TRANK1: variants seen among roughly 807,000 people sequenced by gnomAD.
The protein encoded by TRANK1 is TPR and ankyrin repeat-containing protein 1.
Under a neutral mutation model 266.0 loss-of-function variants are expected in TRANK1, and 198 were observed. That is an observed-to-expected ratio of 0.74 (90% CI 0.66 to 0.84). The LOEUF is 0.84. Among genes scored for constraint, TRANK1 ranks in the 40% least tolerant of loss-of-function variants. The pLI is 0.00. For missense variants in TRANK1, 3,326 were observed against 3,634.6 expected (o/e 0.92, Z 2.18); for synonymous variants, 1,396 against 1,384.1 (o/e 1.01, Z -0.19).
intron 15 of TRANK1, 113 bp from the exon 16 acceptor site, chr3:36,847,459 C>T (rs2078931246): frequency 5.3e-6 from 6 of 1,121,918 alleles, no homozygotes; most frequent in Non-Finnish European, 7.6e-6. Flanking sequence ...GCCTTCAACC[C>T]CAACTTTGAG....
intron 5 of TRANK1, 78 bp from the exon 6 acceptor site, chr3:36,893,062 C>T (rs2079732189): frequency 7.5e-6 from 4 of 533,542 alleles, no homozygotes; most frequent in East Asian, 1.1e-4. Context: ...TTATTTTAAG[C>T]TTTAAAACAA....
chr3:36,918,133 A>G (rs2080152056), intron 1 of TRANK1, among the ~76,000 whole-genome samples: 1 of 152,174 alleles, frequency 6.6e-6, no homozygotes, highest in East Asian at 1.9e-4. Flanking sequence ...GCATCATGCT[A>G]AGTGAAATAA....
At position 36,929,886 on chromosome 3, in the gene TRANK1, G is replaced by A. The variant is rs370639474; in HGVS notation, c.23+14901C>T. Among the ~76,000 whole-genome samples, 65 of 133,140 alleles carry A rather than the reference G, an allele frequency of 4.9e-4. 1 individual carries two copies. Among genetic ancestry groups the A allele is most frequent in the African/African-American group, 1.9e-3 (59 of 31,830 alleles). The allele number at this position is 133,140 out of a possible 152,430, so 87.3% of individuals were successfully genotyped here. A position where few individuals can be genotyped will look rare whatever the true frequency, so the allele number is the denominator to read the frequency against. ...GAGGGCAAGGGAGATGCAGCAGATTGTTGTTGTTGTTGTTGTTGTTGTTGT... is the reference window on the plus strand; with the variant it reads ...GAGGGCAAGGGAGATGCAGCAGATTATTGTTGTTGTTGTTGTTGTTGTTGT... On this transcript the variant is annotated intron_variant, in intron 1 of 23. Coordinates refer to ENST00000645898, the MANE Select transcript of TRANK1 (RefSeq NM_001329998.2).
rs373408645 is a variant in TRANK1, at chr3:36,834,859, C to T, written c.5566G>A (p.Ala1856Thr). 41 of 1,613,444 alleles carry T rather than the reference C, an allele frequency of 2.5e-5. No homozygotes were observed. The highest frequency in any genetic ancestry group is 3.3e-5 in the Admixed American group (2 of 59,952). The change falls in exon 21 of 24, where the codon GCT (alanine) becomes ACT (threonine). Residue 1856 changes from alanine to threonine, a missense_variant. By Grantham distance (58) the Ala-to-Thr change is moderately conservative (BLOSUM62 0). Coordinates refer to ENST00000645898, the MANE Select transcript of TRANK1 (RefSeq NM_001329998.2). Reference protein sequence around the residue: ...FYKRSQCYKDAFRCFEQIQEF... With the variant: ...FYKRSQCYKDTFRCFEQIQEF... ...TGAATCTGCTCAAAGCATCTGAAAG[C>T]GTCTTTGTAGCACTGGCTTCGCTTA...
intron 5 of TRANK1, among the ~76,000 whole-genome samples, chr3:36,893,470 A>T (rs1381008868): frequency 6.6e-6 from 1 of 152,152 alleles, no homozygotes; most frequent in Admixed American, 6.5e-5. Context: ...TACTGAGTTG[A>T]TGATGCACAT....
At chr3:36,922,619 C>CA (rs1347777245) in intron 1 of TRANK1, among the ~76,000 whole-genome samples, 2 of 150,870 alleles carry the variant, frequency 1.3e-5, no homozygotes, top group Non-Finnish European at 1.5e-5. Flanking sequence ...AACAAAAATA[C>CA]AAAAAACATA....
At chr3:36,870,404 T>C (rs1225020915) in intron 9 of TRANK1, among the ~76,000 whole-genome samples, 2 of 140,714 alleles carry the variant, frequency 1.4e-5, no homozygotes, top group African/African-American at 5.7e-5. Context: ...CAAAACTCTG[T>C]TTCAAAAAAA....
chr3:36,895,969 G>A (rs1367828540), intron 4 of TRANK1, among the ~76,000 whole-genome samples: 1 of 152,132 alleles, frequency 6.6e-6, no homozygotes, highest in Non-Finnish European at 1.5e-5. Flanking sequence ...CTAAGAGTTA[G>A]GCAGGATAAT....
At chr3:36,868,594 G>A (rs981768823) in intron 9 of TRANK1, among the ~76,000 whole-genome samples, 1 of 151,838 alleles carries the variant, frequency 6.6e-6, no homozygotes, top group African/African-American at 2.4e-5. Flanking sequence ...TTTTATAAAA[G>A]AAAATATAAA....
chr3:36,852,283 C>G lies in TRANK1; in HGVS notation c.4612G>C (p.Asp1538His), dbSNP rs755575068. ...AGGCCAGAATCCCTTGGAAGGCGAT[C>G]AAAAGATTCTGGGAAATAGAACTGA... ...LLQFYFPESF[D>H]RLPRDSGLFD... Residue 1538 changes from aspartate (D) to histidine (H), a missense_variant, in exon 14 of 24, where the codon GAT (aspartate) becomes CAT (histidine). By Grantham distance (81) the Asp-to-His change is moderately conservative. Coordinates refer to ENST00000645898, the MANE Select transcript of TRANK1 (RefSeq NM_001329998.2). 1 of 1,612,258 alleles carries G rather than the reference C, an allele frequency of 6.2e-7. No individual in the cohort carries two copies. The highest frequency in any genetic ancestry group is 8.5e-7 in the Non-Finnish European group (1 of 1,179,154).
In TRANK1 at chr3:36,828,131, T is replaced by G; in HGVS notation, c.*144A>C. 2.7e-5 allele frequency: 17 copies of G among 627,382 alleles called. No individual in the cohort carries two copies. Among genetic ancestry groups the G allele is most frequent in the Non-Finnish European group, 3.1e-5 (11 of 356,150 alleles). 38.9% of individuals were successfully genotyped at this position (627,382 alleles called of 1,614,324 possible). A position where few individuals can be genotyped will look rare whatever the true frequency, so the allele number is the denominator to read the frequency against. On this transcript the variant is annotated 3_prime_UTR_variant, in exon 24 of 24. Coordinates refer to ENST00000645898, the MANE Select transcript of TRANK1 (RefSeq NM_001329998.2). ...TCCTAAGCCACTGAAAGAGAAGTAA[T>G]GAGAATAAAAAGCAATGGTGTTGTT...
chr3:36,832,273 A>G lies in TRANK1; in HGVS notation c.7310T>C (p.Leu2437Pro). The G allele has an allele frequency of 6.2e-7, 1 of 1,614,000 alleles. No individual in the cohort carries two copies. The highest frequency in any genetic ancestry group is 1.3e-5 in the African/African-American group (1 of 75,034). Residue 2437 changes from leucine to proline, a missense_variant, in exon 22 of 24, where the codon CTC (leucine) becomes CCC (proline). Coordinates refer to ENST00000645898, the MANE Select transcript of TRANK1 (RefSeq NM_001329998.2). ...KRLFFRFMNV[L>P]IKRCKEPLIP... ...GAGTGGTTCTTTGCACCTCTTGATG[A>G]GGACATTCATGAAACGGAAAAAGAG...
upstream of TRANK1, chr3:36,945,071 G>A (rs2080555027): frequency 4.6e-6 from 2 of 438,714 alleles, no homozygotes; most frequent in Non-Finnish European, 8.0e-6. Context: ...CCACGTAGTT[G>A]CGAGAGCCCA....
intron 23 of TRANK1, among the ~76,000 whole-genome samples, chr3:36,829,215 G>A (rs193236373): frequency 2.0e-5 from 3 of 152,206 alleles, no homozygotes; most frequent in Admixed American, 6.5e-5. Context: ...ATGACTGATC[G>A]ACACAGGAAA....
chr3:36,930,659 T>A (rs1266220715), intron 1 of TRANK1, among the ~76,000 whole-genome samples: 1 of 152,070 alleles, frequency 6.6e-6, no homozygotes, highest in Non-Finnish European at 1.5e-5. Flanking sequence ...ACATGAAGAA[T>A]CTCAAAAAGT....
chr3:36,942,927 T>A (rs1452272356), intron 1 of TRANK1, among the ~76,000 whole-genome samples: 3 of 149,990 alleles, frequency 2.0e-5, no homozygotes, highest in Non-Finnish European at 4.4e-5. Context: ...TGGCGTGTAA[T>A]CCCAGCACTC....
intron 18 of TRANK1, among the ~76,000 whole-genome samples, chr3:36,839,561 A>C (rs760504513): frequency 6.6e-6 from 1 of 152,088 alleles, no homozygotes; most frequent in African/African-American, 2.4e-5. Context: ...CTTTGCACAC[A>C]CTGTTCCTTC....
chr3:36,868,701 C>T (rs567254627), intron 9 of TRANK1, among the ~76,000 whole-genome samples: 1 of 152,210 alleles, frequency 6.6e-6, no homozygotes, highest in East Asian at 1.9e-4. Flanking sequence ...TTAATAGTTT[C>T]TTTTCTACAT....
Position 36,855,519 on chromosome 3 carries a change from G to A in TRANK1, c.4203C>T (p.Ile1401=). 1.2e-6 allele frequency: 2 copies of A among 1,613,948 alleles called. No individual in the cohort carries two copies. The highest frequency in any genetic ancestry group is 1.7e-6 in the Non-Finnish European group (2 of 1,179,884). Residue 1401 remains isoleucine, a synonymous_variant, in exon 13 of 24, where the codon ATC becomes ATT. Coordinates refer to ENST00000645898, the MANE Select transcript of TRANK1 (RefSeq NM_001329998.2). ...CATCAAAATAACCTTTCTGGGACCT[G>A]ATTTGCTGATACAGACTGAAGAGGC... ...IYSLFSLYQQ[I]RSQKGYFDEE...
Sources: gnomAD v4.1 joint callset for allele counts (sites outside exome capture counted in the v4.1 genomes callset) on GRCh38, gnomAD v4.1.1 for gene constraint, MANE v1.5 for transcripts, NCBI Gene and HGNC (gene_info 2026-07-23, HGNC 2026-07-21) for gene names.